XKR4: variants seen among roughly 807,000 people sequenced by gnomAD.
The protein encoded by XKR4 is XK related 4.
A neutral mutation model predicts 53.9 loss-of-function variants in XKR4; 12 were observed. That is an observed-to-expected ratio of 0.22 (90% confidence interval 0.14 to 0.36). XKR4 has a LOEUF of 0.36. XKR4 is among the 10% of genes least tolerant of loss of function. The probability of loss-of-function intolerance (pLI) is 1.00; values close to 1 mark genes in which losing one functional copy is unlikely to be tolerated. For synonymous variants in XKR4, 354 were observed against 362.4 expected, an observed-to-expected ratio of 0.98 and a Z score of 0.26; for missense variants, 799 against 859.5, an observed-to-expected ratio of 0.93 and a Z score of 0.88.
intron 2 of XKR4, among the ~76,000 whole-genome samples, chr8:55,470,732 G>A (rs1401024204): frequency 1.3e-5 from 2 of 152,128 alleles, no homozygotes. Flanking sequence ...TTATTAGTGA[G>A]TATGTGTCAG....
At chr8:55,398,436 C>A (rs938709841) in intron 2 of XKR4, among the ~76,000 whole-genome samples, 3 of 152,134 alleles carry the variant, frequency 2.0e-5, no homozygotes, top group Non-Finnish European at 4.4e-5. Flanking sequence ...CTACAGCAGT[C>A]TAAAATAGCA....
intron 1 of XKR4, among the ~76,000 whole-genome samples, chr8:55,223,526 A>C (rs1254214561): frequency 6.6e-6 from 1 of 152,230 alleles, no homozygotes; most frequent in Non-Finnish European, 1.5e-5. Context: ...TGTAAAGTAA[A>C]TAATTGCATT....
At chr8:55,210,653 G>T (rs1170938240) in intron 1 of XKR4, among the ~76,000 whole-genome samples, 1 of 152,196 alleles carries the variant, frequency 6.6e-6, no homozygotes, top group Non-Finnish European at 1.5e-5. Flanking sequence ...AAGTTTTGTT[G>T]TCTCATGGCC....
chr8:55,494,665 A>G (rs1375730553), intron 2 of XKR4, among the ~76,000 whole-genome samples: 1 of 152,034 alleles, frequency 6.6e-6, no homozygotes, highest in Admixed American at 6.5e-5. Flanking sequence ...AGGTCATCCT[A>G]TCATCGTTTC....
chr8:55,521,977 T>G (rs1222288307), intron 2 of XKR4, among the ~76,000 whole-genome samples: 14 of 152,212 alleles, frequency 9.2e-5, no homozygotes, highest in Non-Finnish European at 1.9e-4. Flanking sequence ...CAGCCAGACT[T>G]TAAAATAGAT....
chr8:55,164,739 C>G (rs758207494), intron 1 of XKR4: 1 of 250,242 alleles, frequency 4.0e-6, no homozygotes, highest in African/African-American at 2.2e-5. Flanking sequence ...CAATTGTTTT[C>G]TTATTTTATG....
chr8:55,190,789 C>T (rs1379573139), intron 1 of XKR4, among the ~76,000 whole-genome samples: 1 of 152,150 alleles, frequency 6.6e-6, no homozygotes, highest in African/African-American at 2.4e-5. Flanking sequence ...TCCAGAGGGC[C>T]TCCGCTTTAT....
intron 2 of XKR4, among the ~76,000 whole-genome samples, chr8:55,444,958 A>G (rs963575063): frequency 6.6e-6 from 1 of 152,222 alleles, no homozygotes; most frequent in Non-Finnish European, 1.5e-5. Context: ...AAAAGGAAAA[A>G]TAAAAATTGT....
At chr8:55,207,665 C>A (rs191226041) in intron 1 of XKR4, among the ~76,000 whole-genome samples, 1 of 130,822 alleles carries the variant, frequency 7.6e-6, no homozygotes, top group Admixed American at 7.8e-5. Flanking sequence ...CACACACACA[C>A]GTCTTTTGCT....
At position 55,539,856 on chromosome 8, in the gene XKR4, G is replaced by A. The variant is rs1477595941; in HGVS notation, c.*15629G>A. The A allele has an allele frequency of 6.6e-5, 10 of 152,214 alleles. No homozygotes were observed. The highest frequency in any genetic ancestry group is 6.5e-4 in the Admixed American group (10 of 15,274). 9.4% of individuals were successfully genotyped at this position (152,214 alleles called of 1,614,324 possible). A position where few individuals can be genotyped will look rare whatever the true frequency, so the allele number is the denominator to read the frequency against. Reference sequence around the variant, plus strand: ...GGAAGAAGGAAGTGGCAGATTCACAGGTGGGGTGACCAGGATGGGAGGAAA... The same window carrying A: ...GGAAGAAGGAAGTGGCAGATTCACAAGTGGGGTGACCAGGATGGGAGGAAA... On this transcript the variant is annotated 3_prime_UTR_variant, in exon 3 of 3. Transcript: ENST00000327381.
intron 2 of XKR4, 57 bp from the exon 3 acceptor site, chr8:55,523,224 C>A (rs1806825517): frequency 6.8e-7 from 1 of 1,466,766 alleles, no homozygotes; most frequent in South Asian, 1.4e-5. Context: ...GTGTGACTTC[C>A]AGGGGGCATT....
intron 1 of XKR4, among the ~76,000 whole-genome samples, chr8:55,339,624 T>C (rs1025428071): frequency 3.3e-5 from 5 of 152,218 alleles, no homozygotes; most frequent in African/African-American, 1.2e-4. Context: ...TGTTAGCAAG[T>C]TTAAATTTAA....
chr8:55,459,632 TA>T lies in XKR4; in HGVS notation c.1007-63641del, dbSNP rs899317765. Among the ~76,000 whole-genome samples the T allele has an allele frequency of 2.3e-3, 347 of 151,864 alleles. 4 individuals carry two copies. The highest frequency in any genetic ancestry group is 7.8e-3 in the African/African-American group (322 of 41,442). ...TAAAATGTTTGAACAGACATTTCACTAAAAAAAACCAAAAACACATACACAG... is the reference window on the plus strand; with the variant it reads ...TAAAATGTTTGAACAGACATTTCACTAAAAAAACCAAAAACACATACACAG... On this transcript the variant is annotated intron_variant, in intron 2 of 2. Transcript: ENST00000327381.
Position 55,216,967 on chromosome 8 carries a change from G to T in XKR4, c.806+113673G>T, listed in dbSNP as rs527593037. On this transcript the variant is annotated intron_variant, in intron 1 of 2. Transcript: ENST00000327381. ...AAAAGACATGGATAGTCCTTGCCAGGCGCAGTGGCTTACGCCTATAATCTC... is the reference window on the plus strand; with the variant it reads ...AAAAGACATGGATAGTCCTTGCCAGTCGCAGTGGCTTACGCCTATAATCTC... Among the ~76,000 whole-genome samples the T allele has an allele frequency of 1.4e-4, 22 of 152,198 alleles. No homozygotes were observed. In the South Asian group the frequency reaches 4.6e-3, roughly 32 times the overall value.
chr8:55,347,524 A>G (rs1803666974), intron 1 of XKR4, among the ~76,000 whole-genome samples: 1 of 152,238 alleles, frequency 6.6e-6, no homozygotes, highest in African/African-American at 2.4e-5. Context: ...TTTGTGATGT[A>G]AACAAAACTA....
At chr8:55,392,917 G>A (rs929312639) in intron 2 of XKR4, among the ~76,000 whole-genome samples, 1 of 152,124 alleles carries the variant, frequency 6.6e-6, no homozygotes, top group South Asian at 2.1e-4. Context: ...GCAATTAAAA[G>A]TTAAGAAGTA....
At chr8:55,428,635 C>T (rs1392121003) in intron 2 of XKR4, among the ~76,000 whole-genome samples, 1 of 152,218 alleles carries the variant, frequency 6.6e-6, no homozygotes, top group South Asian at 2.1e-4. Flanking sequence ...CCCCGTGTGT[C>T]ACATGAGACT....
intron 1 of XKR4, among the ~76,000 whole-genome samples, chr8:55,216,802 T>TAA (rs199673218): frequency 3.6e-5 from 5 of 139,496 alleles, no homozygotes; most frequent in African/African-American, 1.1e-4. Context: ...GTTCTATTTA[T>TAA]AAAAAAAAAA....
At chr8:55,388,108 ACT>A (rs1453834932) in intron 2 of XKR4, among the ~76,000 whole-genome samples, 1 of 152,068 alleles carries the variant, frequency 6.6e-6, no homozygotes, top group African/African-American at 2.4e-5. Context: ...TGGGCTCCTA[ACT>A]CTGCCATTTA....
Sources: gnomAD v4.1 joint callset for allele counts (sites outside exome capture counted in the v4.1 genomes callset) on GRCh38, gnomAD v4.1.1 for gene constraint, MANE v1.5 for transcripts, NCBI Gene and HGNC (gene_info 2026-07-23, HGNC 2026-07-21) for gene names.